The following RSPRY1 variants were observed in gnomAD, a reference collection of about 807,000 sequenced individuals.
The protein encoded by RSPRY1 is RING finger and SPRY domain-containing protein 1.
In RSPRY1, 23 loss-of-function variants were observed where a neutral mutation model predicts 73.1. The observed-to-expected ratio is 0.31, with a 90% CI of 0.23 to 0.45. The LOEUF (loss-of-function observed/expected upper bound fraction) is 0.45, where lower values mean the gene tolerates loss of function less well. RSPRY1 is among the 20% of genes least tolerant of loss of function. The pLI is 1.00. For synonymous variants in RSPRY1, 226 were observed against 251.4 expected, an observed-to-expected ratio of 0.90 and a Z score of 0.95; for missense variants, 448 against 698.7, an observed-to-expected ratio of 0.64 and a Z score of 4.05.
Position 57,209,198 on chromosome 16 carries a change from A to T in RSPRY1, c.516+11A>T. Reference sequence around the variant, plus strand: ...CCATTGCCCACTAAAGTAAGTTAATACTTATCTTTTATGAAACTATCATTT... The same window carrying T: ...CCATTGCCCACTAAAGTAAGTTAATTCTTATCTTTTATGAAACTATCATTT... On this transcript the variant is annotated intron_variant, in intron 4 of 14. Transcript: ENST00000394420. The T allele has an allele frequency of 3.3e-6, 5 of 1,509,604 alleles. No homozygotes were observed. The highest frequency in any genetic ancestry group is 4.6e-6 in the Non-Finnish European group (5 of 1,090,760). 93.5% of individuals were successfully genotyped at this position (1,509,604 alleles called of 1,614,324 possible).
intron 1 of RSPRY1, among the ~76,000 whole-genome samples, chr16:57,189,520 G>C (rs367915715): frequency 6.7e-6 from 1 of 150,260 alleles, no homozygotes; most frequent in African/African-American, 2.4e-5. Context: ...AAAAAAAAGT[G>C]TGTTTTGTCA....
intron 10 of RSPRY1, among the ~76,000 whole-genome samples, chr16:57,224,950 A>C (rs372098104): frequency 5.3e-5 from 8 of 152,360 alleles, no homozygotes; most frequent in African/African-American, 1.9e-4. Flanking sequence ...CTTGCCTTTT[A>C]CTTATGCCAC....
At chr16:57,237,227 T>G (rs1486799326) in intron 14 of RSPRY1, among the ~76,000 whole-genome samples, 1 of 152,100 alleles carries the variant, frequency 6.6e-6, no homozygotes, top group African/African-American at 2.4e-5. Context: ...CACTGCAGCC[T>G]CTGCCTCCTG....
At chr16:57,212,386 C>G (rs562650791) in intron 4 of RSPRY1, among the ~76,000 whole-genome samples, 66 of 152,146 alleles carry the variant, frequency 4.3e-4, no homozygotes, top group African/African-American at 1.5e-3. Flanking sequence ...TTCAACATCA[C>G]CAGCCTTTAA....
chr16:57,209,278 TC>T, intron 4 of RSPRY1, 91 bp downstream of exon 4: 1 of 826,336 alleles, frequency 1.2e-6, no homozygotes, highest in Non-Finnish European at 2.0e-6. Flanking sequence ...TTGTGTTTCA[TC>T]TTTATACATT....
At chr16:57,233,356 C>T (rs1410121764) in intron 13 of RSPRY1, among the ~76,000 whole-genome samples, 3 of 152,084 alleles carry the variant, frequency 2.0e-5, no homozygotes, top group African/African-American at 4.8e-5. Flanking sequence ...TCAGTCTTCT[C>T]TCATCTCTGT....
At chr16:57,195,748 C>A (rs1382040727) in intron 1 of RSPRY1, among the ~76,000 whole-genome samples, 1 of 151,018 alleles carries the variant, frequency 6.6e-6, no homozygotes, top group Non-Finnish European at 1.5e-5. Context: ...ATTGGCCAGG[C>A]ACGGTGGCTC....
intron 4 of RSPRY1, among the ~76,000 whole-genome samples, chr16:57,212,414 CTGAG>C (rs1410729878): frequency 2.0e-5 from 3 of 152,158 alleles, no homozygotes; most frequent in Non-Finnish European, 4.4e-5. Flanking sequence ...ATAATGGCAT[CTGAG>C]TGGGTTTAAT....
chr16:57,201,213 C>T (rs1217821267), intron 1 of RSPRY1, among the ~76,000 whole-genome samples: 4 of 151,700 alleles, frequency 2.6e-5, no homozygotes, highest in African/African-American at 7.3e-5. Flanking sequence ...GTGTGGCTGC[C>T]GGGCGGAGGG....
chr16:57,231,107 T>G, intron 12 of RSPRY1, 60 bp from the exon 13 acceptor site: 1 of 1,510,128 alleles, frequency 6.6e-7, no homozygotes, highest in Non-Finnish European at 9.1e-7. Flanking sequence ...CTGTTCTATC[T>G]ATTAACTCTA....
chr16:57,196,975 G>A (rs1416286068), intron 1 of RSPRY1, among the ~76,000 whole-genome samples: 4 of 152,146 alleles, frequency 2.6e-5, no homozygotes, highest in African/African-American at 4.8e-5. Flanking sequence ...TAATTAGGAC[G>A]TGTATCAGTA....
intron 6 of RSPRY1, among the ~76,000 whole-genome samples, chr16:57,214,293 A>T (rs753733501): frequency 4.6e-5 from 7 of 152,202 alleles, no homozygotes; most frequent in Non-Finnish European, 1.0e-4. Flanking sequence ...CCAAGCCAGG[A>T]GGCCATCAAG....
intron 1 of RSPRY1, among the ~76,000 whole-genome samples, chr16:57,191,868 G>A (rs1319607001): frequency 6.6e-6 from 1 of 152,162 alleles, no homozygotes; most frequent in Admixed American, 6.5e-5. Context: ...GATGGAACAA[G>A]AGGCCTCCTT....
rs2075340561 is a variant in RSPRY1, at chr16:57,238,927, T to C, written c.1683T>C (p.Cys561=). ...CALQLETCPL[C]RKEIVSRIRQ... is the part of the protein sequence containing the mutation. ...TGCAGCTGGAGACCTGCCCATTGTG[T>C]CGTAAAGAAATAGTATCTAGAATCA... Residue 561 remains cysteine (C), a synonymous_variant, in exon 15 of 15, where the codon TGT becomes TGC. Transcript: ENST00000394420. The C allele has an allele frequency of 6.2e-7, 1 of 1,610,650 alleles. No homozygotes were observed. Among genetic ancestry groups the C allele is most frequent in the Non-Finnish European group, 8.5e-7 (1 of 1,178,214 alleles).
At chr16:57,217,879 C>T (rs2074966699) in intron 8 of RSPRY1, among the ~76,000 whole-genome samples, 1 of 152,190 alleles carries the variant, frequency 6.6e-6, no homozygotes, top group Non-Finnish European at 1.5e-5. Context: ...TCATGCACAG[C>T]CTGTGAAGTG....
chr16:57,230,892 C>T, intron 12 of RSPRY1, 79 bp downstream of exon 12: 1 of 856,970 alleles, frequency 1.2e-6, no homozygotes, highest in Non-Finnish European at 1.9e-6. Flanking sequence ...AGTCTTTGTC[C>T]ATTTATATAT....
In RSPRY1 at chr16:57,204,705, G is replaced by T. The variant is rs758306925; in HGVS notation, c.47G>T (p.Gly16Val). The T allele has an allele frequency of 2.6e-5, 42 of 1,614,048 alleles. No individual in the cohort carries two copies. The highest frequency in any genetic ancestry group is 4.0e-5 in the African/African-American group (3 of 74,922). Residue 16 changes from glycine to valine, a missense_variant, in exon 2 of 15, where the codon GGC (glycine) becomes GTC (valine). By Grantham distance (109) the Gly-to-Val change is moderately radical (BLOSUM62 -3). Coordinates refer to ENST00000394420, the MANE Select transcript of RSPRY1 (RefSeq NM_133368.3). ...GTGTTCTTAGCGAGCAGAAGCCTTG[G>T]CCAGGGTCTGTTGTTGACTCTCGAA... ...WAVFLASRSL[G>V]QGLLLTLEEH...
At chr16:57,188,107 T>C (rs2074283170) in intron 1 of RSPRY1, among the ~76,000 whole-genome samples, 1 of 152,244 alleles carries the variant, frequency 6.6e-6, no homozygotes, top group Non-Finnish European at 1.5e-5. Flanking sequence ...TGCGTTGTTG[T>C]GGTAGCCCTA....
At position 57,230,793 on chromosome 16, in the gene RSPRY1, G is replaced by C; in HGVS notation, c.1356G>C (p.Lys452Asn). Residue 452 changes from lysine to asparagine, a missense_variant, in exon 12 of 15, where the codon AAG (lysine) becomes AAC (asparagine). By Grantham distance (94) the Lys-to-Asn change is moderately conservative (BLOSUM62 0). Transcript: ENST00000394420. ...FLNGNQLPPEKQVFSSTVSGF... is the reference protein window; with the variant it reads ...FLNGNQLPPENQVFSSTVSGF... ...ATGGCAACCAGCTGCCTCCTGAAAAGCAAGTCTTTTCATCTACTGTGTAAG... is the reference window on the plus strand; with the variant it reads ...ATGGCAACCAGCTGCCTCCTGAAAACCAAGTCTTTTCATCTACTGTGTAAG... The C allele has an allele frequency of 6.2e-7, 1 of 1,609,060 alleles. No homozygotes were observed. The highest frequency in any genetic ancestry group is 2.2e-5 in the East Asian group (1 of 44,864).
Sources: allele counts gnomAD v4.1 joint callset (sites outside exome capture counted in the v4.1 genomes callset), GRCh38; gene constraint gnomAD v4.1.1; transcripts MANE v1.5; gene names NCBI Gene and HGNC (gene_info 2026-07-23, HGNC 2026-07-21).